CNTN4: variants seen among roughly 807,000 people sequenced by gnomAD.
CNTN4 encodes contactin-4.
A neutral mutation model predicts 122.5 loss-of-function variants in CNTN4; 77 were observed. The ratio of observed to expected loss-of-function variants is 0.63; its 90% CI spans 0.52 to 0.76. CNTN4 has a LOEUF of 0.76. CNTN4 is among the 30% of genes least tolerant of loss of function. CNTN4 has a pLI of 0.00. For synonymous variants in CNTN4, 512 were observed against 447.0 expected (o/e 1.15, Z -1.83); for missense variants, 1,256 against 1,259.1 (o/e 1.00, Z 0.04).
chr3:2,576,084 C>G (rs1020681607), intron 4 of CNTN4, among the ~76,000 whole-genome samples: 79 of 152,186 alleles, frequency 5.2e-4, no homozygotes, highest in Middle Eastern at 6.8e-3. Flanking sequence ...ATCTGCCCAC[C>G]TCGGCCTCCC....
At chr3:2,900,438 A>T (rs951627888) in intron 10 of CNTN4, among the ~76,000 whole-genome samples, 7 of 152,216 alleles carry the variant, frequency 4.6e-5, no homozygotes, top group African/African-American at 1.7e-4. Flanking sequence ...TAATTTTGCC[A>T]TATGGATATT....
intron 6 of CNTN4, among the ~76,000 whole-genome samples, chr3:2,778,033 T>C (rs2091402104): frequency 6.6e-6 from 1 of 151,198 alleles, no homozygotes. Context: ...GCTAACACGG[T>C]GAAACCCCGT....
At chr3:2,807,742 G>A (rs1053325180) in intron 6 of CNTN4, among the ~76,000 whole-genome samples, 2 of 152,050 alleles carry the variant, frequency 1.3e-5, no homozygotes, top group Non-Finnish European at 2.9e-5. Flanking sequence ...TACTTTAATA[G>A]TTCAAAATCC....
intron 13 of CNTN4, among the ~76,000 whole-genome samples, chr3:2,947,665 G>A (rs62232846): frequency 0.074 from 11,291 of 152,148 alleles, 478 homozygotes; most frequent in Middle Eastern, 0.13. Context: ...TCATACTGAC[G>A]TGAATGGCAG....
At chr3:2,179,151 A>G (rs1177345131) in intron 2 of CNTN4, among the ~76,000 whole-genome samples, 1 of 152,064 alleles carries the variant, frequency 6.6e-6, no homozygotes, top group Non-Finnish European at 1.5e-5. Flanking sequence ...ATCTCTAACA[A>G]AGCTGCGCTG....
At chr3:2,835,645 A>G (rs918046707) in intron 7 of CNTN4, among the ~76,000 whole-genome samples, 8 of 152,196 alleles carry the variant, frequency 5.3e-5, no homozygotes, top group African/African-American at 1.9e-4. Context: ...GCAAATTTCA[A>G]ATCACATTTC....
chr3:2,746,110 CAT>C (rs1243795276), intron 6 of CNTN4, among the ~76,000 whole-genome samples: 37 of 151,846 alleles, frequency 2.4e-4, no homozygotes, highest in African/African-American at 7.8e-4. Context: ...CACACACACA[CAT>C]TTTAAATAGA....
At chr3:2,368,587 C>T (rs775249460) in intron 3 of CNTN4, among the ~76,000 whole-genome samples, 1 of 152,160 alleles carries the variant, frequency 6.6e-6, no homozygotes, top group South Asian at 2.1e-4. Context: ...AGTCTATTCT[C>T]TCAGATCTGT....
At chr3:2,543,150 T>G (rs1248379557) in intron 3 of CNTN4, among the ~76,000 whole-genome samples, 3 of 152,080 alleles carry the variant, frequency 2.0e-5, no homozygotes, top group Non-Finnish European at 4.4e-5. Flanking sequence ...TATAGCTCAA[T>G]GGCTACCATT....
intron 4 of CNTN4, among the ~76,000 whole-genome samples, chr3:2,657,329 G>T (rs1397199357): frequency 1.3e-5 from 2 of 152,096 alleles, no homozygotes; most frequent in African/African-American, 4.8e-5. Context: ...GTAACATGAG[G>T]CTTTTTATTA....
intron 3 of CNTN4, among the ~76,000 whole-genome samples, chr3:2,462,148 C>T (rs1040760876): frequency 6.6e-6 from 1 of 152,128 alleles, no homozygotes; most frequent in African/African-American, 2.4e-5. Flanking sequence ...TTATAACCAC[C>T]TTTCTATGGT....
intron 2 of CNTN4, among the ~76,000 whole-genome samples, chr3:2,273,513 A>G (rs999958918): frequency 6.6e-6 from 1 of 152,204 alleles, no homozygotes; most frequent in Non-Finnish European, 1.5e-5. Flanking sequence ...AGCAACTTCC[A>G]TGACTGATGA....
intron 9 of CNTN4, among the ~76,000 whole-genome samples, chr3:2,885,938 A>G (rs2093970951): frequency 6.6e-6 from 1 of 152,206 alleles, no homozygotes; most frequent in Non-Finnish European, 1.5e-5. Context: ...GGCGGTCTCA[A>G]GGTATTCACT....
intron 6 of CNTN4, among the ~76,000 whole-genome samples, chr3:2,817,238 T>C (rs2092757482): frequency 6.6e-6 from 1 of 152,214 alleles, no homozygotes; most frequent in Admixed American, 6.5e-5. Flanking sequence ...AGAAACATAA[T>C]GACTACATAC....
At chr3:2,545,059 C>T (rs927236547) in intron 3 of CNTN4, among the ~76,000 whole-genome samples, 2 of 151,828 alleles carry the variant, frequency 1.3e-5, no homozygotes, top group African/African-American at 4.8e-5. Flanking sequence ...CCAGAGATTG[C>T]GTTATGTTGT....
At chr3:2,925,385 C>A (rs1467191678) in intron 12 of CNTN4, among the ~76,000 whole-genome samples, 1 of 152,062 alleles carries the variant, frequency 6.6e-6, no homozygotes, top group Non-Finnish European at 1.5e-5. Flanking sequence ...GAAACGCCAT[C>A]ACTACTAAAA....
At chr3:2,883,329 G>T (rs2093934063) in intron 9 of CNTN4, 82 bp downstream of exon 9, 3 of 987,712 alleles carry the variant, frequency 3.0e-6, no homozygotes, top group Non-Finnish European at 4.7e-6. Context: ...TCACAGCGAT[G>T]GTTTCTGAGG....
intron 3 of CNTN4, among the ~76,000 whole-genome samples, chr3:2,351,222 A>T (rs2044601660): frequency 1.3e-5 from 2 of 152,182 alleles, no homozygotes; most frequent in Non-Finnish European, 2.9e-5. Flanking sequence ...ACCATCTAAT[A>T]GTCAAACTAG....
intron 3 of CNTN4, among the ~76,000 whole-genome samples, chr3:2,366,585 G>A (rs1448995342): frequency 6.6e-6 from 1 of 152,020 alleles, no homozygotes; most frequent in African/African-American, 2.4e-5. Flanking sequence ...AAATTAGCCA[G>A]GCATGGTGGC....
Sources: gnomAD v4.1 joint callset for allele counts (sites outside exome capture counted in the v4.1 genomes callset) on GRCh38, gnomAD v4.1.1 for gene constraint, MANE v1.5 for transcripts, NCBI Gene and HGNC (gene_info 2026-07-23, HGNC 2026-07-21) for gene names.